The following FNIP1 variants were observed in gnomAD, a reference collection of about 807,000 sequenced individuals.
The protein encoded by FNIP1 is folliculin-interacting protein 1.
In FNIP1, 40 loss-of-function variants were observed where a neutral mutation model predicts 124.5. The observed-to-expected ratio is 0.32, with a 90% CI of 0.25 to 0.42. The LOEUF (loss-of-function observed/expected upper bound fraction) is 0.42, where lower values mean the gene tolerates loss of function less well. Ranked by LOEUF, FNIP1 falls within the 10% of genes least tolerant of loss-of-function variation. FNIP1 has a pLI of 1.00. For missense variants in FNIP1, 1,176 were observed against 1,403.7 expected (o/e 0.84, Z 2.59); for synonymous variants, 472 against 470.6 (o/e 1.00, Z -0.04).
chr5:131,784,010 A>AC (rs1203276829), intron 1 of FNIP1, among the ~76,000 whole-genome samples: 1 of 148,200 alleles, frequency 6.7e-6, no homozygotes, highest in African/African-American at 2.5e-5. Context: ...GCCCCCAACA[A>AC]AAAAAAAAAA....
At chr5:131,784,741 G>A (rs1330539981) in intron 1 of FNIP1, among the ~76,000 whole-genome samples, 1 of 151,398 alleles carries the variant, frequency 6.6e-6, no homozygotes, top group Non-Finnish European at 1.5e-5. Context: ...AAGATCACTT[G>A]AGCCCAGATG....
rs929734572 is a variant in FNIP1 at position 131,644,107 on chromosome 5, T to A, written c.*578A>T. ...TCTATTTCTGCTTTTTAAAAAAAAA[T>A]AGGTACATATGTACACTTGGGTGGA... is the stretch of plus-strand genomic sequence containing the variant. On this transcript the variant is annotated 3_prime_UTR_variant, in exon 18 of 18. Transcript: ENST00000510461. The A allele has an allele frequency of 6.6e-6, 1 of 152,222 alleles. No homozygotes were observed. The highest frequency in any genetic ancestry group is 1.5e-5 in the Non-Finnish European group (1 of 68,004). The allele number at this position is 152,222 out of a possible 1,614,324, so 9.4% of individuals were successfully genotyped here. A position where few individuals can be genotyped will look rare whatever the true frequency, so the allele number is the denominator to read the frequency against.
intron 2 of FNIP1, 68 bp from the exon 3 acceptor site, chr5:131,731,106 A>T: frequency 2.1e-6 from 3 of 1,453,046 alleles, no homozygotes; most frequent in Non-Finnish European, 2.8e-6. Flanking sequence ...TCATCAAAGT[A>T]TAAAAACCTT....
intron 15 of FNIP1, 54 bp from the exon 16 acceptor site, chr5:131,652,053 T>C (rs1767054862): frequency 1.3e-6 from 2 of 1,527,548 alleles, no homozygotes. Flanking sequence ...TTTCCAAAGA[T>C]AATGGTAATT....
chr5:131,643,172 C>T lies in FNIP1; in HGVS notation c.*1513G>A, dbSNP rs922402741. The T allele has an allele frequency of 7.9e-5, 12 of 152,262 alleles. No homozygotes were observed. The highest frequency in any genetic ancestry group is 2.9e-4 in the African/African-American group (12 of 41,440). 9.4% of individuals were successfully genotyped at this position (152,262 alleles called of 1,614,324 possible). A position where few individuals can be genotyped will look rare whatever the true frequency, so the allele number is the denominator to read the frequency against. Reference sequence around the variant, plus strand: ...ATTAAAACAACAATTTTTTCTTTGTCTAGTTGGAAGTCTCTTGAATACATA... The same window carrying T: ...ATTAAAACAACAATTTTTTCTTTGTTTAGTTGGAAGTCTCTTGAATACATA... On this transcript the variant is annotated 3_prime_UTR_variant, in exon 18 of 18. Coordinates refer to ENST00000510461, the MANE Select transcript of FNIP1 (RefSeq NM_133372.3).
intron 10 of FNIP1, among the ~76,000 whole-genome samples, chr5:131,699,698 ACT>A (rs1768826945): frequency 6.6e-6 from 1 of 151,036 alleles, no homozygotes; most frequent in Non-Finnish European, 1.5e-5. Context: ...AGCCCTGTTA[ACT>A]CTTTTTTAAA....
chr5:131,664,218 C>T (rs1192520455), intron 15 of FNIP1, among the ~76,000 whole-genome samples: 2 of 152,078 alleles, frequency 1.3e-5, no homozygotes, highest in Admixed American at 6.6e-5. Context: ...GTGAATTGAT[C>T]TACTGCTTAA....
intron 1 of FNIP1, among the ~76,000 whole-genome samples, chr5:131,782,943 G>C (rs145488594): frequency 2.6e-5 from 4 of 152,220 alleles, no homozygotes; most frequent in Non-Finnish European, 5.9e-5. Flanking sequence ...GATTACAGGC[G>C]TGAGCCACCG....
chr5:131,680,826 G>A (rs1768054895), intron 11 of FNIP1, among the ~76,000 whole-genome samples: 1 of 152,150 alleles, frequency 6.6e-6, no homozygotes, highest in Non-Finnish European at 1.5e-5. Context: ...TAAAATTAGA[G>A]ATTTCATGAA....
At chr5:131,721,254 T>C (rs1238652536) in intron 3 of FNIP1, among the ~76,000 whole-genome samples, 1 of 152,094 alleles carries the variant, frequency 6.6e-6, no homozygotes, top group East Asian at 1.9e-4. Context: ...CATGATAAGA[T>C]AAATACTCCA....
At chr5:131,768,020 G>A (rs1247001304) in intron 1 of FNIP1, among the ~76,000 whole-genome samples, 1 of 151,966 alleles carries the variant, frequency 6.6e-6, no homozygotes, top group South Asian at 2.1e-4. Context: ...TTCAATGACA[G>A]GGATAGTCAG....
At position 131,677,737 on chromosome 5, in the gene FNIP1, C is replaced by G. The variant is rs1425304213; in HGVS notation, c.1485G>C (p.Lys495Asn). The change falls in exon 13 of 18, where the codon AAG (lysine) becomes AAC (asparagine). Residue 495 changes from lysine (K) to asparagine (N), a missense_variant. Transcript: ENST00000510461. Reference sequence around the variant, plus strand: ...CCCAAAGTGGGTTATATGGATGAGTCTTTGCCAACATGTCCACACTCTGAG... The same window carrying G: ...CCCAAAGTGGGTTATATGGATGAGTGTTTGCCAACATGTCCACACTCTGAG... ...HSSQSVDMLAKTHPYNPLWAQ... is the reference protein window; with the variant it reads ...HSSQSVDMLANTHPYNPLWAQ... 6.2e-7 allele frequency: 1 copy of G among 1,614,060 alleles called. No homozygotes were observed.
intron 15 of FNIP1, among the ~76,000 whole-genome samples, chr5:131,652,741 T>C (rs1187876177): frequency 6.6e-6 from 1 of 152,128 alleles, no homozygotes; most frequent in East Asian, 1.9e-4. Context: ...GTGGGAGGAC[T>C]GCTTAAGGCC....
chr5:131,697,986 A>G (rs920575374), intron 11 of FNIP1, among the ~76,000 whole-genome samples: 79 of 150,494 alleles, frequency 5.2e-4, no homozygotes, highest in Middle Eastern at 3.4e-3. Context: ...AAAAAAAAAA[A>G]AAAGAAAGAA....
chr5:131,791,633 A>T (rs995255249), intron 1 of FNIP1, among the ~76,000 whole-genome samples: 3 of 152,232 alleles, frequency 2.0e-5, no homozygotes, highest in Non-Finnish European at 4.4e-5. Context: ...CCAAACACAG[A>T]ATGTGGGGAA....
chr5:131,755,757 C>G (rs1276083385), intron 1 of FNIP1, among the ~76,000 whole-genome samples: 1 of 151,952 alleles, frequency 6.6e-6, no homozygotes. Flanking sequence ...GTCTGTAATC[C>G]CAGCACTTTG....
intron 3 of FNIP1, among the ~76,000 whole-genome samples, chr5:131,726,243 TG>T (rs1237530983): frequency 6.6e-6 from 1 of 152,192 alleles, no homozygotes; most frequent in African/African-American, 2.4e-5. Flanking sequence ...TTTTTTCTAT[TG>T]ATTGGAATAG....
chr5:131,789,772 T>C lies in FNIP1; in HGVS notation c.92+7058A>G, dbSNP rs74502956. Among the ~76,000 whole-genome samples the C allele has an allele frequency of 3.7e-4, 56 of 151,842 alleles. No individual in the cohort carries two copies. In the East Asian group the frequency reaches 8.3e-3, roughly 22 times the overall value. ...CCCTAACACCACACATCCCTGGCTT[T>C]TCCCTATCTATCTTCTTGGTATATC... is the stretch of plus-strand genomic sequence containing the variant. On this transcript the variant is annotated intron_variant, in intron 1 of 17. Transcript: ENST00000510461.
At chr5:131,649,357 C>T (rs550383330) in intron 16 of FNIP1, among the ~76,000 whole-genome samples, 42 of 152,144 alleles carry the variant, frequency 2.8e-4, no homozygotes, top group Non-Finnish European at 5.3e-4. Context: ...GTCATCCTTA[C>T]AGGTATTGAA....
Sources: gnomAD v4.1 joint callset for allele counts (sites outside exome capture counted in the v4.1 genomes callset) on GRCh38, gnomAD v4.1.1 for gene constraint, MANE v1.5 for transcripts, NCBI Gene and HGNC (gene_info 2026-07-23, HGNC 2026-07-21) for gene names.